Variants in ARHGAP8 observed in about 807,000 individuals in gnomAD.
ARHGAP8 encodes the protein Rho GTPase activating protein 8, also known as rho GTPase-activating protein 8.
In ARHGAP8, 62 loss-of-function variants were observed where a neutral mutation model predicts 46.1. The ratio of observed to expected loss-of-function variants is 1.34; its 90% CI spans 1.10 to 1.66. The LOEUF (loss-of-function observed/expected upper bound fraction) is 1.66, where lower values mean the gene tolerates loss of function less well. ARHGAP8 is among the 40% of genes most tolerant of loss of function. The pLI, the probability that ARHGAP8 is intolerant of heterozygous loss-of-function variation, is 0.00. For missense variants in ARHGAP8, 923 were observed against 568.4 expected (o/e 1.62, Z -6.34); for synonymous variants, 375 against 243.1 (o/e 1.54, Z -5.05).
chr22:44,779,367 C>T (rs1174269589), intron 1 of ARHGAP8, among the ~76,000 whole-genome samples: 1 of 151,126 alleles, frequency 6.6e-6, no homozygotes, highest in African/African-American at 2.4e-5. Flanking sequence ...TCCCAAAGTT[C>T]TTGGATTGCA....
At position 44,862,630 on chromosome 22, in the gene ARHGAP8, C is replaced by A. The variant is rs199814548; in HGVS notation, c.*35C>A. On this transcript the variant is annotated 3_prime_UTR_variant, in exon 12 of 12. Transcript: ENST00000356099. ...CACTCTGTATATTTCGAGCTACCTC[C>A]CACACCTGTCTGTGCACTTGTATGT... 1.8e-5 allele frequency: 27 copies of A among 1,521,842 alleles called. No individual in the cohort carries two copies. The highest frequency in any genetic ancestry group is 1.4e-4 in the East Asian group (6 of 43,870). 94.3% of individuals were successfully genotyped at this position (1,521,842 alleles called of 1,614,324 possible).
At position 44,799,582 on chromosome 22, in the gene ARHGAP8, C is replaced by T. The variant is rs3788631; in HGVS notation, c.80-2495C>T. On this transcript the variant is annotated intron_variant, in intron 2 of 11. Coordinates refer to ENST00000356099, the MANE Select transcript of ARHGAP8 (RefSeq NM_181335.3). ...CGTGGACCAGCAGTGGAGGGATCTC[C>T]GTGTTCCCCACTCCTGACGACAGCC... 3.4e-3 allele frequency among the ~76,000 whole-genome samples: 513 copies of T among 152,162 alleles called. 6 individuals are homozygous for T. In the East Asian group the frequency reaches 0.039, roughly 12 times the overall value.
intron 7 of ARHGAP8, among the ~76,000 whole-genome samples, chr22:44,840,113 G>A (rs990429164): frequency 6.6e-6 from 1 of 152,254 alleles, no homozygotes. Context: ...GGTGGGAAGA[G>A]TCAGGCTCTT....
At chr22:44,772,332 TTTTTTGTATTTTCTTTTTTC>T in intron 1 of ARHGAP8, among the ~76,000 whole-genome samples, 3 of 136,132 alleles carry the variant, frequency 2.2e-5, no homozygotes, top group Admixed American at 8.0e-5. Flanking sequence ...GATTGACTTT[TTTTTTGTATTTTCTTTTTTC>T]TTTTTTTTTT....
chr22:44,817,294 T>A (rs1373115492), intron 5 of ARHGAP8, among the ~76,000 whole-genome samples: 1 of 152,158 alleles, frequency 6.6e-6, no homozygotes, highest in Non-Finnish European at 1.5e-5. Flanking sequence ...AGCTCCTGCT[T>A]AATAGAAGGA....
In ARHGAP8 at chr22:44,862,538, C is replaced by A. The variant is rs760589475; in HGVS notation, c.1245C>A (p.Gly415=). The A allele has an allele frequency of 6.2e-7, 1 of 1,606,964 alleles. No individual in the cohort carries two copies. The highest frequency in any genetic ancestry group is 8.5e-7 in the Non-Finnish European group (1 of 1,174,434). ...QEAVPRTQAT[G]LTKPTLPPSP... ...CTGTGCCACGGACACAAGCCACGGG[C>A]CTCACCAAGCCTACCCTACCTCCGA... is the stretch of plus-strand genomic sequence containing the variant. The change falls in exon 12 of 12, where the codon GGC becomes GGA. Residue 415 remains glycine, a synonymous_variant. Coordinates refer to ENST00000356099, the MANE Select transcript of ARHGAP8 (RefSeq NM_181335.3).
chr22:44,793,581 C>T (rs1225007544), intron 2 of ARHGAP8, among the ~76,000 whole-genome samples: 1 of 152,168 alleles, frequency 6.6e-6, no homozygotes, highest in African/African-American at 2.4e-5. Context: ...ATTGCTACTG[C>T]CTTTATGATG....
chr22:44,758,119 C>G (rs132446), intron 1 of ARHGAP8, among the ~76,000 whole-genome samples: 9,551 of 152,150 alleles, frequency 0.063, 538 homozygotes, highest in African/African-American at 0.14. Flanking sequence ...GGGCAGGTCT[C>G]TTTAGCCTGG....
At chr22:44,807,182 A>G (rs563430591) in intron 3 of ARHGAP8, among the ~76,000 whole-genome samples, 2 of 152,264 alleles carry the variant, frequency 1.3e-5, no homozygotes, top group South Asian at 4.1e-4. Context: ...GCTCCAGGTG[A>G]GAACCTGGAC....
chr22:44,845,384 TGG>T, intron 8 of ARHGAP8, 42 bp downstream of exon 8: 1 of 1,612,916 alleles, frequency 6.2e-7, no homozygotes. Flanking sequence ...TGAGGGCTGC[TGG>T]GTGCACCTCT....
At chr22:44,775,403 G>T (rs1230511644) in intron 1 of ARHGAP8, among the ~76,000 whole-genome samples, 2 of 152,044 alleles carry the variant, frequency 1.3e-5, no homozygotes, top group Non-Finnish European at 2.9e-5. Flanking sequence ...CCTGACCTGT[G>T]GACAACTCCA....
At chr22:44,756,414 C>G (rs1399748687) in intron 1 of ARHGAP8, among the ~76,000 whole-genome samples, 2 of 152,290 alleles carry the variant, frequency 1.3e-5, no homozygotes, top group East Asian at 3.9e-4. Flanking sequence ...GGACCCCACG[C>G]TGTTGTAATT....
chr22:44,861,831 C>A (rs890621130), intron 11 of ARHGAP8, among the ~76,000 whole-genome samples: 3 of 152,184 alleles, frequency 2.0e-5, no homozygotes, highest in African/African-American at 7.2e-5. Flanking sequence ...CCCCTTCTAG[C>A]AGGCAAGCTC....
chr22:44,815,246 G>T (rs1001898317), intron 5 of ARHGAP8, among the ~76,000 whole-genome samples: 6 of 152,300 alleles, frequency 3.9e-5, no homozygotes, highest in Middle Eastern at 3.4e-3. Flanking sequence ...AGGAATGTGT[G>T]GGGGAGGAGG....
intron 6 of ARHGAP8, among the ~76,000 whole-genome samples, chr22:44,822,693 C>T (rs1930242310): frequency 6.6e-6 from 1 of 152,220 alleles, no homozygotes; most frequent in African/African-American, 2.4e-5. Flanking sequence ...ATGTTTTCCT[C>T]GCCCACCATT....
intron 7 of ARHGAP8, among the ~76,000 whole-genome samples, chr22:44,842,227 C>T (rs1321252303): frequency 1.3e-5 from 2 of 152,172 alleles, no homozygotes; most frequent in Admixed American, 6.5e-5. Context: ...CATGGTGGTG[C>T]GTGCCTGTAG....
intron 2 of ARHGAP8, among the ~76,000 whole-genome samples, chr22:44,801,317 C>T (rs1928518590): frequency 8.5e-6 from 1 of 117,878 alleles, no homozygotes; most frequent in Non-Finnish European, 1.7e-5. Flanking sequence ...GCACCTCTCC[C>T]CGCAGCTGTC....
At chr22:44,862,175 T>C (rs931086961) in intron 11 of ARHGAP8, 100 bp from the exon 12 acceptor site, 13 of 1,425,046 alleles carry the variant, frequency 9.1e-6, no homozygotes, top group African/African-American at 2.8e-5. Flanking sequence ...CCAGTGCTCC[T>C]CTCACTACAC....
chr22:44,834,373 T>A (rs1336991905), intron 7 of ARHGAP8, among the ~76,000 whole-genome samples: 1 of 152,138 alleles, frequency 6.6e-6, no homozygotes, highest in African/African-American at 2.4e-5. Flanking sequence ...ATCTTGTAAT[T>A]TTTTTCTTTG....
Sources: gnomAD v4.1 joint callset for allele counts (sites outside exome capture counted in the v4.1 genomes callset) on GRCh38, gnomAD v4.1.1 for gene constraint, MANE v1.5 for transcripts, NCBI Gene and HGNC (gene_info 2026-07-23, HGNC 2026-07-21) for gene names.